The following TKFC variants were observed in gnomAD, a reference collection of about 807,000 sequenced individuals.
TKFC encodes triokinase and FMN cyclase.
Under a neutral mutation model 61.0 loss-of-function variants are expected in TKFC, and 46 were observed. The observed-to-expected ratio is 0.75, with a 90% CI of 0.60 to 0.96. TKFC has a LOEUF of 0.96. Ranked by LOEUF, TKFC falls within the 50% of genes least tolerant of loss-of-function variation. TKFC has a pLI of 0.00. For synonymous variants in TKFC, 314 were observed against 330.1 expected, an observed-to-expected ratio of 0.95 and a Z score of 0.53; for missense variants, 715 against 777.5, an observed-to-expected ratio of 0.92 and a Z score of 0.96.
In TKFC at chr11:61,348,976, G is replaced by A. The variant is rs546276567; in HGVS notation, c.*2473G>A. 9 of 155,808 alleles carry A rather than the reference G, an allele frequency of 5.8e-5. No homozygotes were observed. Among genetic ancestry groups the A allele is most frequent in the Non-Finnish European group, 8.6e-5 (6 of 69,964 alleles). 9.7% of individuals were successfully genotyped at this position (155,808 alleles called of 1,614,324 possible). ...ATATTAGCCCTTCTGCCAACATCTG[G>A]CAATGTGAGGCTGGGGTGGACGTTG... is the stretch of plus-strand genomic sequence containing the variant. On this transcript the variant is annotated 3_prime_UTR_variant, in exon 18 of 18. Coordinates refer to ENST00000394900, the MANE Select transcript of TKFC (RefSeq NM_015533.4).
chr11:61,352,938 C>T, downstream of TKFC: 2 of 1,613,892 alleles, frequency 1.2e-6, no homozygotes, highest in South Asian at 2.2e-5. Context: ...TTTGAAGACC[C>T]TATTCCCTCC....
At chr11:61,339,718 C>A (rs1270970641) in intron 5 of TKFC, among the ~76,000 whole-genome samples, 2 of 152,214 alleles carry the variant, frequency 1.3e-5, no homozygotes, top group Non-Finnish European at 2.9e-5. Flanking sequence ...AGACCCCGCC[C>A]TCCTGCTTTG....
chr11:61,350,428 AAG>A (rs1161090273), downstream of TKFC: 1 of 1,611,474 alleles, frequency 6.2e-7, no homozygotes, highest in Non-Finnish European at 8.5e-7. Context: ...AGGGGCTGGA[AAG>A]AGAGGCAGAT....
At chr11:61,345,831 A>C (rs1163076059) in intron 16 of TKFC, 26 bp from the exon 17 acceptor site, 7 of 1,613,978 alleles carry the variant, frequency 4.3e-6, no homozygotes. Flanking sequence ...GCCCGTGCTC[A>C]GCCCCCTTTC....
At chr11:61,340,074 G>A (rs953757645) in intron 5 of TKFC, among the ~76,000 whole-genome samples, 6 of 151,914 alleles carry the variant, frequency 3.9e-5, no homozygotes, top group East Asian at 1.9e-4. Flanking sequence ...GCAGTGGCGC[G>A]ATCTTGGCTC....
intron 2 of TKFC, among the ~76,000 whole-genome samples, chr11:61,337,077 G>A (rs1271825403): frequency 2.6e-5 from 4 of 152,200 alleles, no homozygotes; most frequent in Non-Finnish European, 5.9e-5. Flanking sequence ...CGCTCCTCGT[G>A]TAGCAGTGCC....
chr11:61,353,174 T>C (rs1370140978), downstream of TKFC: 2 of 1,559,510 alleles, frequency 1.3e-6, no homozygotes, highest in East Asian at 4.5e-5. Context: ...CCGACTGTGC[T>C]ATGTGTGACC....
Position 61,342,626 on chromosome 11 carries a change from C to T in TKFC, c.743C>T (p.Thr248Ile). 6.2e-7 allele frequency: 1 copy of T among 1,614,116 alleles called. No homozygotes were observed. The highest frequency in any genetic ancestry group is 8.5e-7 in the Non-Finnish European group (1 of 1,180,044). ...VKLMLDHMTNTTNASHVPVQP... is the reference protein window; with the variant it reads ...VKLMLDHMTNITNASHVPVQP... ...CTCATGCTCGACCACATGACAAACA[C>T]CACCAACGCGTCCCATGTGCCTGTG... The change falls in exon 9 of 18, where the codon ACC becomes ATC. Residue 248 changes from threonine to isoleucine, a missense_variant. Coordinates refer to ENST00000394900, the MANE Select transcript of TKFC (RefSeq NM_015533.4).
Position 61,334,636 on chromosome 11 carries a change from C to T in TKFC, c.-93C>T. 3 of 1,562,090 alleles carry T rather than the reference C, an allele frequency of 1.9e-6. No homozygotes were observed. Among genetic ancestry groups the T allele is most frequent in the Admixed American group, 1.7e-5 (1 of 58,826 alleles). On this transcript the variant is annotated 5_prime_UTR_variant, in exon 2 of 18. Coordinates refer to ENST00000394900, the MANE Select transcript of TKFC (RefSeq NM_015533.4). ...CTCCTGCAGGTGCTGCTGCTGCCTC[C>T]ACTGTACTCAGACCCAGGTAGCACA...
chr11:61,344,255 C>T lies in TKFC; in HGVS notation c.1222C>T (p.His408Tyr). The T allele has an allele frequency of 6.2e-7, 1 of 1,613,032 alleles. No individual in the cohort carries two copies. Among genetic ancestry groups the T allele is most frequent in the Non-Finnish European group, 8.5e-7 (1 of 1,179,964 alleles). ...AAGDGDCGTTHSRAARAIQEW... is the reference protein window; with the variant it reads ...AAGDGDCGTTYSRAARAIQEW... ...TGGTGACGGCGACTGTGGCACCACC[C>T]ACAGCCGTGCGGCCAGAGGTTGGTG... The change falls in exon 13 of 18, where the codon CAC (histidine) becomes TAC (tyrosine). Residue 408 changes from histidine to tyrosine, a missense_variant. By Grantham distance (83) the His-to-Tyr change is moderately conservative. Transcript: ENST00000394900.
At position 61,344,270 on chromosome 11, in the gene TKFC, A is replaced by G; in HGVS notation, c.1237A>G (p.Arg413Gly). Residue 413 changes from arginine to glycine, a missense_variant, in exon 13 of 18, where the codon AGA (arginine) becomes GGA (glycine). Coordinates refer to ENST00000394900, the MANE Select transcript of TKFC (RefSeq NM_015533.4). ...DCGTTHSRAA[R>G]AIQEWLKEGP... ...TGGCACCACCCACAGCCGTGCGGCC[A>G]GAGGTTGGTGCCAGGGACTTTGCCA... The G allele has an allele frequency of 6.2e-7, 1 of 1,612,634 alleles. No homozygotes were observed. Among genetic ancestry groups the G allele is most frequent in the Non-Finnish European group, 8.5e-7 (1 of 1,179,760 alleles).
Position 61,345,998 on chromosome 11 carries a change from A to T in TKFC, c.1575+52A>T, listed in dbSNP as rs145970709. On this transcript the variant is annotated intron_variant, in intron 17 of 17. Transcript: ENST00000394900. ...GGGGAGACAGGCTTCTAGCCAGCAG[A>T]CTCCTGTCTCCATGTGACCCTGAGC... The T allele has an allele frequency of 9.5e-4, 1,485 of 1,570,868 alleles. 12 individuals are homozygous for T. The African/African-American group carries it at 0.017, about 18-fold the overall frequency.
downstream of TKFC, chr11:61,350,791 G>A (rs1021948952): frequency 4.3e-6 from 3 of 702,772 alleles, no homozygotes; most frequent in African/African-American, 1.8e-5. Context: ...TGGACAGACT[G>A]GGGAGTCCCA....
downstream of TKFC, chr11:61,350,027 G>A: frequency 2.0e-6 from 1 of 488,604 alleles, no homozygotes; most frequent in Non-Finnish European, 3.7e-6. Flanking sequence ...AGAGCGAGGA[G>A]GACCTCGTGT....
chr11:61,339,911 C>T (rs1856785210), intron 5 of TKFC, among the ~76,000 whole-genome samples: 1 of 152,218 alleles, frequency 6.6e-6, no homozygotes, highest in African/African-American at 2.4e-5. Flanking sequence ...TGGGTGCCTA[C>T]AATCAATACA....
chr11:61,351,134 T>C, downstream of TKFC: 1 of 1,608,066 alleles, frequency 6.2e-7, no homozygotes, highest in African/African-American at 1.3e-5. Context: ...TGGTATGGCC[T>C]GGTGGTGTTT....
At chr11:61,336,893 C>T (rs1351050103) in intron 2 of TKFC, among the ~76,000 whole-genome samples, 1 of 152,168 alleles carries the variant, frequency 6.6e-6, no homozygotes, top group African/African-American at 2.4e-5. Context: ...CCACACTATT[C>T]ACTCATCCAG....
At position 61,339,143 on chromosome 11, in the gene TKFC, G is replaced by A. The variant is rs946402010; in HGVS notation, c.271G>A (p.Ala91Thr). The A allele has an allele frequency of 6.2e-7, 1 of 1,613,822 alleles. No homozygotes were observed. ...CTCCCCGGCAGTGGGCAGCATCCTGGCAGCCATCAGGGCCGTGGCCCAGGC... is the reference window on the plus strand; with the variant it reads ...CTCCCCGGCAGTGGGCAGCATCCTGACAGCCATCAGGGCCGTGGCCCAGGC... Reference protein sequence around the residue: ...FTSPAVGSILAAIRAVAQAGT... With the variant: ...FTSPAVGSILTAIRAVAQAGT... The change falls in exon 4 of 18, where the codon GCA (alanine) becomes ACA (threonine). Residue 91 changes from alanine to threonine, a missense_variant. Coordinates refer to ENST00000394900, the MANE Select transcript of TKFC (RefSeq NM_015533.4).
intron 5 of TKFC, 41 bp downstream of exon 5, chr11:61,339,476 C>G (rs1590725027): frequency 1.3e-6 from 2 of 1,560,628 alleles, no homozygotes; most frequent in South Asian, 1.2e-5. Flanking sequence ...CCAGCCCTTT[C>G]CAGCCTTCCC....
Sources: gnomAD v4.1 joint callset for allele counts (sites outside exome capture counted in the v4.1 genomes callset) on GRCh38, gnomAD v4.1.1 for gene constraint, MANE v1.5 for transcripts, NCBI Gene and HGNC (gene_info 2026-07-23, HGNC 2026-07-21) for gene names.